The following TMEFF1 variants were observed in gnomAD, a reference collection of about 807,000 sequenced individuals.
TMEFF1 encodes the protein tomoregulin-1.
In TMEFF1, 20 loss-of-function variants were observed where a neutral mutation model predicts 47.5. That is an observed-to-expected ratio of 0.42 (90% CI 0.30 to 0.61). The LOEUF (loss-of-function observed/expected upper bound fraction) is 0.61. TMEFF1 is among the 20% of genes least tolerant of loss of function. The pLI, the probability that TMEFF1 is intolerant of heterozygous loss-of-function variation, is 0.19. For synonymous variants in TMEFF1, 162 were observed against 166.3 expected (o/e 0.97, Z 0.20); for missense variants, 411 against 471.1 (o/e 0.87, Z 1.18).
chr9:100,500,653 C>A (rs563518323), intron 2 of TMEFF1, among the ~76,000 whole-genome samples: 1 of 152,118 alleles, frequency 6.6e-6, no homozygotes, highest in Admixed American at 6.6e-5. Flanking sequence ...ATGTTATTGC[C>A]GCTTTAAAAT....
chr9:100,475,799 C>T (rs577931958), intron 1 of TMEFF1, among the ~76,000 whole-genome samples: 3 of 149,498 alleles, frequency 2.0e-5, no homozygotes, highest in East Asian at 3.9e-4. Flanking sequence ...GGAGTGACCT[C>T]GGGTATGGGC....
At chr9:100,561,541 C>A in intron 8 of TMEFF1, 21 bp downstream of exon 8, 1 of 1,595,736 alleles carries the variant, frequency 6.3e-7, no homozygotes, top group Non-Finnish European at 8.5e-7. Context: ...GCTTCCAGAT[C>A]AGTGGTGAGC....
intron 7 of TMEFF1, among the ~76,000 whole-genome samples, chr9:100,555,137 G>A (rs922027295): frequency 9.2e-5 from 14 of 151,428 alleles, no homozygotes; most frequent in African/African-American, 3.4e-4. Flanking sequence ...TGGTGACCAA[G>A]TATACTTTTT....
At chr9:100,532,828 G>A (rs1212420841) in intron 5 of TMEFF1, among the ~76,000 whole-genome samples, 2 of 151,988 alleles carry the variant, frequency 1.3e-5, no homozygotes, top group African/African-American at 4.8e-5. Context: ...GCAAAGACTT[G>A]GAACCAACCC....
At chr9:100,482,816 G>A (rs1374112791) in intron 1 of TMEFF1, among the ~76,000 whole-genome samples, 2 of 151,982 alleles carry the variant, frequency 1.3e-5, no homozygotes, top group East Asian at 1.9e-4. Context: ...TAGGTGTTTT[G>A]GTCTGAACTC....
intron 1 of TMEFF1, among the ~76,000 whole-genome samples, chr9:100,477,341 C>A (rs1837253170): frequency 6.6e-6 from 1 of 152,162 alleles, no homozygotes; most frequent in Non-Finnish European, 1.5e-5. Flanking sequence ...TTCTGCTGTT[C>A]AACATTTTCC....
Position 100,482,199 on chromosome 9 carries a change from C to CT in TMEFF1, c.196+8463dup, listed in dbSNP as rs201453800. On this transcript the variant is annotated intron_variant, in intron 1 of 9. Transcript: ENST00000374879. ...CTTCTTTTCTTTTCTTTCTTTCTTT[C>CT]TTTTCTTTTTTTTTTGGAGACAGTA... Among the ~76,000 whole-genome samples, 963 of 148,812 alleles carry CT rather than the reference C, an allele frequency of 6.5e-3. 8 individuals carry two copies. Among genetic ancestry groups the CT allele is most frequent in the African/African-American group, 0.022 (899 of 40,052 alleles).
intron 5 of TMEFF1, among the ~76,000 whole-genome samples, chr9:100,536,169 A>G (rs1219162241): frequency 6.6e-6 from 1 of 152,216 alleles, no homozygotes; most frequent in East Asian, 1.9e-4. Flanking sequence ...ATTTATTTCA[A>G]AAGTAAAACT....
At chr9:100,525,708 G>A (rs72735157) in intron 5 of TMEFF1, among the ~76,000 whole-genome samples, 2,498 of 152,292 alleles carry the variant, frequency 0.016, 34 homozygotes, top group Non-Finnish European at 0.024. Context: ...GGAGGCAGAA[G>A]TTCTAACCCT....
Position 100,473,469 on chromosome 9 carries a change from G to A in TMEFF1, c.-76G>A. ...GCTGCTAGGAGGCACCGAGGCAGCG[G>A]CGGGGCTCTGGGCGCGCGGCTGGAT... On this transcript the variant is annotated 5_prime_UTR_variant, in exon 1 of 10. Transcript: ENST00000374879. This position sits in a 1 kb window ranked among gnomAD's most constrained non-coding sequence, Gnocchi z 5.4. 8.4e-7 allele frequency: 1 copy of A among 1,188,448 alleles called. No individual in the cohort carries two copies. Among genetic ancestry groups the A allele is most frequent in the Non-Finnish European group, 1.1e-6 (1 of 940,234 alleles). 73.6% of individuals were successfully genotyped at this position (1,188,448 alleles called of 1,614,324 possible).
intron 1 of TMEFF1, among the ~76,000 whole-genome samples, chr9:100,491,945 A>ATCT (rs1326036914): frequency 6.7e-6 from 1 of 148,978 alleles, no homozygotes; most frequent in African/African-American, 2.5e-5. Flanking sequence ...CAGTGGCACG[A>ATCT]TCTTACTCAC....
At position 100,513,313 on chromosome 9, in the gene TMEFF1, G is replaced by T; in HGVS notation, c.443G>T (p.Gly148Val). 1 of 1,596,416 alleles carries T rather than the reference G, an allele frequency of 6.3e-7. No individual in the cohort carries two copies. Among genetic ancestry groups the T allele is most frequent in the Non-Finnish European group, 8.5e-7 (1 of 1,173,520 alleles). The change falls in exon 4 of 10, where the codon GGA (glycine) becomes GTA (valine). Residue 148 changes from glycine (G) to valine (V), a missense_variant. Coordinates refer to ENST00000374879, the MANE Select transcript of TMEFF1 (RefSeq NM_003692.5). ...IARGPCYSDNGSGSGEGEEEG... is the reference protein window; with the variant it reads ...IARGPCYSDNVSGSGEGEEEG... The stretch of plus-strand genomic sequence containing the variant: ...TCTTTGTTTTTCTTCTCAGATAATG[G>T]ATCTGGATCTGGAGAAGGAGGTAAG...
intron 1 of TMEFF1, among the ~76,000 whole-genome samples, chr9:100,487,839 C>A (rs1221129691): frequency 6.6e-6 from 1 of 151,616 alleles, no homozygotes. Flanking sequence ...CATATAGTTA[C>A]TTTTACTTAA....
At position 100,538,303 on chromosome 9, in the gene TMEFF1, G is replaced by A. The variant is rs573452510; in HGVS notation, c.561-9441G>A. Among the ~76,000 whole-genome samples the A allele has an allele frequency of 3.9e-5, 6 of 152,260 alleles. No individual in the cohort carries two copies. In the East Asian group the frequency reaches 7.7e-4, roughly 20 times the overall value. On this transcript the variant is annotated intron_variant, in intron 5 of 9. Transcript: ENST00000374879. Reference sequence around the variant, plus strand: ...CATCTCTTGACCTTGTGATCCACCCGCCTCGGCCTCCCAAAGTGTTGGGAT... The same window carrying A: ...CATCTCTTGACCTTGTGATCCACCCACCTCGGCCTCCCAAAGTGTTGGGAT...
intron 5 of TMEFF1, among the ~76,000 whole-genome samples, chr9:100,545,627 C>A (rs964294611): frequency 2.0e-4 from 30 of 152,198 alleles, no homozygotes; most frequent in African/African-American, 7.2e-4. Flanking sequence ...ATGCAAATTT[C>A]TGCAGCTAGC....
In TMEFF1 at chr9:100,509,093, A is replaced by C; in HGVS notation, c.395A>C (p.Gln132Pro). Residue 132 changes from glutamine to proline, a missense_variant, in exon 3 of 10, where the codon CAG becomes CCG. Gln to Pro is a moderately conservative substitution (Grantham distance 76). Transcript: ENST00000374879. Reference protein sequence around the residue: ...CFLRRAACKHQKEITVIARGP... With the variant: ...CFLRRAACKHPKEITVIARGP... Reference sequence around the variant, plus strand: ...CTCAGAAGGGCTGCTTGTAAGCACCAGAAAGAGATAACAGTAATAGCAAGA... The same window carrying C: ...CTCAGAAGGGCTGCTTGTAAGCACCCGAAAGAGATAACAGTAATAGCAAGA... The C allele has an allele frequency of 6.3e-7, 1 of 1,599,384 alleles. No homozygotes were observed. Among genetic ancestry groups the C allele is most frequent in the Non-Finnish European group, 8.5e-7 (1 of 1,174,140 alleles).
intron 8 of TMEFF1, among the ~76,000 whole-genome samples, chr9:100,564,271 T>C (rs1365711037): frequency 6.6e-6 from 1 of 152,136 alleles, no homozygotes; most frequent in African/African-American, 2.4e-5. Context: ...GACAGGGTTT[T>C]GCCATGTTGG....
At chr9:100,515,830 C>G (rs1040778235) in intron 4 of TMEFF1, among the ~76,000 whole-genome samples, 3 of 152,020 alleles carry the variant, frequency 2.0e-5, no homozygotes, top group Non-Finnish European at 4.4e-5. Context: ...AAGACACTCC[C>G]TGAATAGTAC....
At chr9:100,525,116 T>G (rs1246006981) in intron 5 of TMEFF1, among the ~76,000 whole-genome samples, 1 of 152,186 alleles carries the variant, frequency 6.6e-6, no homozygotes, top group Non-Finnish European at 1.5e-5. Flanking sequence ...CCTCTACACC[T>G]TGTATATAGC....
Sources: allele counts gnomAD v4.1 joint callset (sites outside exome capture counted in the v4.1 genomes callset), GRCh38; gene constraint gnomAD v4.1.1; non-coding constraint Gnocchi (gnomAD v3.1); transcripts MANE v1.5; gene names NCBI Gene and HGNC (gene_info 2026-07-23, HGNC 2026-07-21).